Variants in SRCIN1 observed in about 807,000 individuals in gnomAD.
The protein encoded by SRCIN1 is SRC kinase signaling inhibitor 1, also known as P130Cas-associated protein.
SRCIN1 carries 50 observed loss-of-function variants against 116.2 expected under a neutral mutation model. That is an observed-to-expected ratio of 0.43 (90% CI 0.34 to 0.54). The LOEUF (loss-of-function observed/expected upper bound fraction) is 0.54, where lower values mean the gene tolerates loss of function less well. SRCIN1 is among the 20% of genes least tolerant of loss of function. The probability of loss-of-function intolerance (pLI) is 0.02; values close to 1 mark genes in which losing one functional copy is unlikely to be tolerated. For synonymous variants in SRCIN1, 736 were observed against 750.0 expected (o/e 0.98, Z 0.30); for missense variants, 1,446 against 1,672.0 (o/e 0.86, Z 2.36).
chr17:38,606,977 AAG>A (rs1909400706), upstream of SRCIN1, among the ~76,000 whole-genome samples: 1 of 152,192 alleles, frequency 6.6e-6, no homozygotes, highest in African/African-American at 2.4e-5. This position sits in a 1 kb window ranked among gnomAD's most constrained non-coding sequence, Gnocchi z 5.2. Flanking sequence ...TTAGGTGAGC[AAG>A]AGAGTGGACA....
chr17:38,568,244 A>G lies in SRCIN1; in HGVS notation c.325-13T>C. On this transcript the variant is annotated splice_polypyrimidine_tract_variant and intron_variant, in intron 2 of 18. Coordinates refer to ENST00000617146, the MANE Select transcript of SRCIN1 (RefSeq NM_025248.3). The surrounding 1 kb of genome is among the most constrained non-coding windows in gnomAD (Gnocchi z 4.5). ...TCCAGTAGTTTGGCTGCTGATGGAA[A>G]TAAGAGAAGAGATGGTTATGAGGGG... 6.2e-7 allele frequency: 1 copy of G among 1,612,802 alleles called. No individual in the cohort carries two copies. Among genetic ancestry groups the G allele is most frequent in the Non-Finnish European group, 8.5e-7 (1 of 1,179,452 alleles).
chr17:38,563,203 G>A lies in SRCIN1; in HGVS notation c.740+120C>T, dbSNP rs1012754324. 1.4e-5 allele frequency: 16 copies of A among 1,155,234 alleles called. No individual in the cohort carries two copies. Among genetic ancestry groups the A allele is most frequent in the Non-Finnish European group, 2.0e-5 (16 of 817,132 alleles). The allele number at this position is 1,155,234 out of a possible 1,614,324, so 71.6% of individuals were successfully genotyped here. Reference sequence around the variant, plus strand: ...GGGGCGGGGCGGTAGGGCTCTGGGAGGGGAGGGGAAAGGCTGAGGTCGGGT... The same window carrying A: ...GGGGCGGGGCGGTAGGGCTCTGGGAAGGGAGGGGAAAGGCTGAGGTCGGGT... On this transcript the variant is annotated intron_variant, in intron 5 of 18. Coordinates refer to ENST00000617146, the MANE Select transcript of SRCIN1 (RefSeq NM_025248.3). This position sits in a 1 kb window ranked among gnomAD's most constrained non-coding sequence, Gnocchi z 5.8.
Position 38,562,756 on chromosome 17 carries a change from C to T in SRCIN1, c.834+71G>A. ...AGCTGGCCCTGGTTCCAGATGACAA[C>T]TGCCCAGACCCTGCTCCCCTGGACC... On this transcript the variant is annotated intron_variant, in intron 6 of 18. Coordinates refer to ENST00000617146, the MANE Select transcript of SRCIN1 (RefSeq NM_025248.3). This position sits in a 1 kb window ranked among gnomAD's most constrained non-coding sequence, Gnocchi z 4.2. 1 of 1,385,992 alleles carries T rather than the reference C, an allele frequency of 7.2e-7. No homozygotes were observed. The highest frequency in any genetic ancestry group is 1.2e-5 in the South Asian group (1 of 81,186). The allele number at this position is 1,385,992 out of a possible 1,614,324, so 85.9% of individuals were successfully genotyped here. A position where few individuals can be genotyped will look rare whatever the true frequency, so the allele number is the denominator to read the frequency against.
intron 1 of SRCIN1, among the ~76,000 whole-genome samples, chr17:38,588,437 G>A (rs989282619): frequency 6.6e-6 from 1 of 152,256 alleles, no homozygotes; most frequent in Non-Finnish European, 1.5e-5. Flanking sequence ...ACGCGCCCAG[G>A]GAAGGTGTCC....
Position 38,602,548 on chromosome 17 carries a change from G to T in SRCIN1, c.22+3136C>A, listed in dbSNP as rs562942956. 2.0e-5 allele frequency: 3 copies of T among 152,242 alleles called. No individual in the cohort carries two copies. In the East Asian group the frequency reaches 5.8e-4, roughly 29 times the overall value. The allele number at this position is 152,242 out of a possible 1,614,324, so 9.4% of individuals were successfully genotyped here. A position where few individuals can be genotyped will look rare whatever the true frequency, so the allele number is the denominator to read the frequency against. On this transcript the variant is annotated intron_variant, in intron 1 of 18. Transcript: ENST00000617146. The surrounding 1 kb of genome is among the most constrained non-coding windows in gnomAD (Gnocchi z 4.2). ...ACCCTCAGCAGCTTGTGCCCAAGCA[G>T]GGGTCCCTAGGTCAGGAAACCAGGC...
intron 18 of SRCIN1, among the ~76,000 whole-genome samples, chr17:38,540,343 A>G (rs924557512): frequency 1.3e-5 from 2 of 152,098 alleles, no homozygotes; most frequent in Non-Finnish European, 2.9e-5. Flanking sequence ...CCTCCATCTC[A>G]ACATTATCAA....
chr17:38,537,569 A>T lies in SRCIN1; in HGVS notation c.3418-4138T>A, dbSNP rs12602560. 3.3e-5 allele frequency among the ~76,000 whole-genome samples: 5 copies of T among 152,146 alleles called. No homozygotes were observed. In the East Asian group the frequency reaches 9.7e-4, roughly 29 times the overall value. ...CACTTTGGGAGGCCGAGGCGGGCGG[A>T]TCATGAGGTCAGGAGATCGAGACCA... is the stretch of plus-strand genomic sequence containing the variant. On this transcript the variant is annotated intron_variant, in intron 18 of 18. Coordinates refer to ENST00000617146, the MANE Select transcript of SRCIN1 (RefSeq NM_025248.3).
At position 38,584,678 on chromosome 17, in the gene SRCIN1, T is replaced by C. The variant is rs1348139431; in HGVS notation, c.23-5887A>G. On this transcript the variant is annotated intron_variant, in intron 1 of 18. Coordinates refer to ENST00000617146, the MANE Select transcript of SRCIN1 (RefSeq NM_025248.3). ...TTCTTTTACATGAGATCACTGTAAC[T>C]GATTATGAGAATTAAGATCCCAACA... is the stretch of plus-strand genomic sequence containing the variant. Among the ~76,000 whole-genome samples, 8 of 152,364 alleles carry C rather than the reference T, an allele frequency of 5.3e-5. No homozygotes were observed. In the East Asian group the frequency reaches 1.5e-3, roughly 29 times the overall value.
At chr17:38,596,988 ACCCTTCCTGCCGGGAGACACT>A (rs978427118) in intron 1 of SRCIN1, among the ~76,000 whole-genome samples, 87 of 151,918 alleles carry the variant, frequency 5.7e-4, no homozygotes, top group African/African-American at 2.0e-3. Context: ...AGCAGTTAAG[ACCCTTCCTGCCGGGAGACACT>A]GTGGCCAGCA....
At position 38,562,863 on chromosome 17, in the gene SRCIN1, G is replaced by A. The variant is rs1906369611; in HGVS notation, c.798C>T (p.Ala266=). Residue 266 remains alanine (A), a synonymous_variant, in exon 6 of 19, where the codon GCC becomes GCT. Transcript: ENST00000617146. This position sits in a 1 kb window ranked among gnomAD's most constrained non-coding sequence, Gnocchi z 4.2. ...KIYRKEPLYA[A]FPGSHLTNGD... The stretch of plus-strand genomic sequence containing the variant: ...CGTTGGTGAGATGTGAGCCAGGGAA[G>A]GCAGCGTAGAGGGGCTCCTTTCTGT... The A allele has an allele frequency of 6.2e-7, 1 of 1,613,826 alleles. No homozygotes were observed. Among genetic ancestry groups the A allele is most frequent in the Non-Finnish European group, 8.5e-7 (1 of 1,179,814 alleles).
intron 14 of SRCIN1, 63 bp downstream of exon 14, chr17:38,551,823 G>A (rs1905435757): frequency 3.1e-6 from 5 of 1,606,636 alleles, no homozygotes; most frequent in East Asian, 4.5e-5. Flanking sequence ...ACTCTAGGAA[G>A]GATGGTCGTA....
chr17:38,561,788 C>T lies in SRCIN1; in HGVS notation c.1375G>A (p.Gly459Ser). The stretch of plus-strand genomic sequence containing the variant: ...CCGTAGCCGTCGCCGTACAGCGGGC[C>T]GCCGCCGCCCGCCGCCTTGTACAGG... ...DSLYKAAGGG[G>S]PLYGDGYGFR... The change falls in exon 7 of 19, where the codon GGC becomes AGC. Residue 459 changes from glycine (G) to serine (S), a missense_variant. Physicochemically the swap from Gly to Ser is moderately conservative, Grantham distance 56. Coordinates refer to ENST00000617146, the MANE Select transcript of SRCIN1 (RefSeq NM_025248.3). 8 of 1,480,768 alleles carry T rather than the reference C, an allele frequency of 5.4e-6. No individual in the cohort carries two copies. The highest frequency in any genetic ancestry group is 7.1e-6 in the Non-Finnish European group (8 of 1,122,744). The allele number at this position is 1,480,768 out of a possible 1,614,324, so 91.7% of individuals were successfully genotyped here.
rs550404987 is a variant in SRCIN1, at chr17:38,579,322, G to A, written c.23-531C>T. On this transcript the variant is annotated intron_variant, in intron 1 of 18. Coordinates refer to ENST00000617146, the MANE Select transcript of SRCIN1 (RefSeq NM_025248.3). ...TGTCCAGGACATACTTATCCTCAAG[G>A]CTGGGCGCCGGCTGGGAAAAGGGCC... is the stretch of plus-strand genomic sequence containing the variant. Among the ~76,000 whole-genome samples, 5 of 152,304 alleles carry A rather than the reference G, an allele frequency of 3.3e-5. No individual in the cohort carries two copies. In the South Asian group the frequency reaches 1.0e-3, roughly 32 times the overall value.
chr17:38,566,906 C>CTTCCTTCCT, intron 3 of SRCIN1, among the ~76,000 whole-genome samples: 1 of 134,576 alleles, frequency 7.4e-6, no homozygotes, highest in South Asian at 2.3e-4. Context: ...TCCTTCTTTC[C>CTTCCTTCCT]TTCCTTCCTT....
chr17:38,599,229 G>C (rs560893525), intron 1 of SRCIN1, among the ~76,000 whole-genome samples: 46 of 152,266 alleles, frequency 3.0e-4, no homozygotes, highest in Middle Eastern at 3.4e-3. Flanking sequence ...AAGACCAGAG[G>C]GGGCAACTAA....
intron 2 of SRCIN1, among the ~76,000 whole-genome samples, chr17:38,569,196 G>A (rs897675702): frequency 2.6e-5 from 4 of 152,154 alleles, no homozygotes; most frequent in Non-Finnish European, 5.9e-5. Context: ...AGTAACCCAG[G>A]GTCACCCTTC....
rs1905252030 is a variant in SRCIN1 at position 38,549,303 on chromosome 17, C to T, written c.2963-93G>A. The stretch of plus-strand genomic sequence containing the variant: ...TGAAGGGGATAAACCTTGCTTCTTC[C>T]TCCAGGGAGGACCAGGAGGAGGTGA... On this transcript the variant is annotated intron_variant, in intron 15 of 18. Coordinates refer to ENST00000617146, the MANE Select transcript of SRCIN1 (RefSeq NM_025248.3). 8.5e-6 allele frequency: 11 copies of T among 1,288,520 alleles called. No homozygotes were observed. In the Admixed American group the frequency reaches 3.0e-4, roughly 35 times the overall value. 79.8% of individuals were successfully genotyped at this position (1,288,520 alleles called of 1,614,324 possible).
At chr17:38,582,933 T>TG (rs575156946) in intron 1 of SRCIN1, among the ~76,000 whole-genome samples, 3 of 151,970 alleles carry the variant, frequency 2.0e-5, no homozygotes, top group Admixed American at 6.6e-5. Flanking sequence ...ACCAGCCTCC[T>TG]GGGGGGGCTC....
chr17:38,544,088 T>C lies in SRCIN1; in HGVS notation c.3271-119A>G. 1 of 1,239,562 alleles carries C rather than the reference T, an allele frequency of 8.1e-7. No individual in the cohort carries two copies. Among genetic ancestry groups the C allele is most frequent in the Non-Finnish European group, 1.1e-6 (1 of 917,922 alleles). 76.8% of individuals were successfully genotyped at this position (1,239,562 alleles called of 1,614,324 possible). On this transcript the variant is annotated intron_variant, in intron 17 of 18. Transcript: ENST00000617146. The surrounding 1 kb of genome is among the most constrained non-coding windows in gnomAD (Gnocchi z 4.5). ...CTCCTCAGTGGGGCCCTTTGAGACC[T>C]GGAGACCCCTCTCTAGCTCCACACC...
Sources: allele counts gnomAD v4.1 joint callset (sites outside exome capture counted in the v4.1 genomes callset), GRCh38; gene constraint gnomAD v4.1.1; non-coding constraint Gnocchi (gnomAD v3.1); transcripts MANE v1.5; gene names NCBI Gene and HGNC (gene_info 2026-07-23, HGNC 2026-07-21).